Variants in ADGRB1 observed in about 807,000 individuals in gnomAD.
The protein encoded by ADGRB1 is brain-specific angiogenesis inhibitor 1.
A neutral mutation model predicts 175.7 loss-of-function variants in ADGRB1; 36 were observed. The ratio of observed to expected loss-of-function variants is 0.20; its 90% CI spans 0.16 to 0.27. ADGRB1 has a LOEUF of 0.27. Ranked by LOEUF, ADGRB1 falls within the 10% of genes least tolerant of loss-of-function variation. The pLI is 1.00. For missense variants in ADGRB1, 1,731 were observed against 2,255.3 expected (o/e 0.77, Z 4.71); for synonymous variants, 1,054 against 979.4 (o/e 1.08, Z -1.42).
rs755785336 is a variant in ADGRB1, at chr8:142,539,416, G to A, written c.3706+3G>A. On this transcript the variant is annotated splice_donor_region_variant and intron_variant, in intron 27 of 30. Coordinates refer to ENST00000517894, the MANE Select transcript of ADGRB1 (RefSeq NM_001702.3). Reference sequence around the variant, plus strand: ...CGTGGATCTGGCCTGTAGATCAGGTGAGCGCCCGACAGGTGAGAGGACAGT... The same window carrying A: ...CGTGGATCTGGCCTGTAGATCAGGTAAGCGCCCGACAGGTGAGAGGACAGT... The A allele has an allele frequency of 3.8e-5, 61 of 1,600,728 alleles. No individual in the cohort carries two copies. Among genetic ancestry groups the A allele is most frequent in the Admixed American group, 1.7e-4 (10 of 58,280 alleles).
At chr8:142,539,541 G>A in intron 27 of ADGRB1, 128 bp downstream of exon 27, 1 of 1,184,710 alleles carries the variant, frequency 8.4e-7, no homozygotes, top group South Asian at 1.4e-5. Flanking sequence ...CCCACACCCA[G>A]CCACACCGTC....
Position 142,510,955 on chromosome 8 carries a change from A to G in ADGRB1, c.2699A>G (p.Gln900Arg). Residue 900 changes from glutamine (Q) to arginine (R), a missense_variant, in exon 18 of 31, where the codon CAG (glutamine) becomes CGG (arginine). Physicochemically the swap from Gln to Arg is conservative, Grantham distance 43. Around this residue, in one of 8 missense-constraint regions of ADGRB1, gnomAD observed 77 missense variants for 71.6 expected, o/e 1.08. Coordinates refer to ENST00000517894, the MANE Select transcript of ADGRB1 (RefSeq NM_001702.3). This position sits in a 1 kb window ranked among gnomAD's most constrained non-coding sequence, Gnocchi z 6.3. ...AGACCCTCCTCCTCCGCCCCCCCGC[A>G]GCTCGGGCCCTGGTCGTGGCGCGGC... ...TDVPSSSAPP[Q>R]LGPWSWRGCR... 2.6e-6 allele frequency: 3 copies of G among 1,150,958 alleles called. No individual in the cohort carries two copies. The highest frequency in any genetic ancestry group is 1.6e-5 in the South Asian group (1 of 62,428). The allele number at this position is 1,150,958 out of a possible 1,614,324, so 71.3% of individuals were successfully genotyped here.
chr8:142,518,046 G>C (rs966866807), intron 18 of ADGRB1, 92 bp from the exon 19 acceptor site: 1 of 1,247,394 alleles, frequency 8.0e-7, no homozygotes, highest in East Asian at 2.4e-5. Flanking sequence ...GGTGTGACCC[G>C]GGGCTGCGGG....
intron 2 of ADGRB1, among the ~76,000 whole-genome samples, chr8:142,467,517 TG>T (rs1230083569): frequency 6.6e-6 from 1 of 152,082 alleles, no homozygotes; most frequent in Non-Finnish European, 1.5e-5. Context: ...GAAGTGGGGC[TG>T]GGGGTTGCAG....
chr8:142,472,544 G>A (rs1038919787), intron 2 of ADGRB1, among the ~76,000 whole-genome samples: 5 of 152,184 alleles, frequency 3.3e-5, no homozygotes, highest in South Asian at 2.1e-4. Flanking sequence ...CCTGCACTGC[G>A]GACCCCAGGG....
Position 142,542,639 on chromosome 8 carries a change from T to C in ADGRB1, c.4405T>C (p.Ser1469Pro). ...GAATGTCGCCACCTTGTCTGTGAGC[T>C]CCCTGGAGGTGAGGGGGGCAGGGGT... The part of the protein sequence containing the change: ...NENVATLSVS[S>P]LERRKSRYAE... The change falls in exon 28 of 31, where the codon TCC (serine) becomes CCC (proline). Residue 1469 changes from serine to proline, a missense_variant. Ser to Pro is a moderately conservative substitution (Grantham distance 74). Coordinates refer to ENST00000517894, the MANE Select transcript of ADGRB1 (RefSeq NM_001702.3). The surrounding 1 kb of genome is among the most constrained non-coding windows in gnomAD (Gnocchi z 6.3). 1 of 1,547,656 alleles carries C rather than the reference T, an allele frequency of 6.5e-7. No individual in the cohort carries two copies. The highest frequency in any genetic ancestry group is 1.4e-5 in the African/African-American group (1 of 71,802).
At chr8:142,499,416 AAG>A (rs1842378819) in intron 17 of ADGRB1, among the ~76,000 whole-genome samples, 1 of 152,194 alleles carries the variant, frequency 6.6e-6, no homozygotes, top group Non-Finnish European at 1.5e-5. Flanking sequence ...AGCCGCTCAA[AAG>A]AGCGCCACCC....
chr8:142,474,869 G>C lies in ADGRB1; in HGVS notation c.785-605G>C, dbSNP rs1840864494. Reference sequence around the variant, plus strand: ...GGCCAGCTGGCCAGGTCCAGGGCAGGCTCCGTCAGGCTGTGCCCTGGGTTC... The same window carrying C: ...GGCCAGCTGGCCAGGTCCAGGGCAGCCTCCGTCAGGCTGTGCCCTGGGTTC... On this transcript the variant is annotated intron_variant, in intron 2 of 30. Coordinates refer to ENST00000517894, the MANE Select transcript of ADGRB1 (RefSeq NM_001702.3). The surrounding 1 kb of genome is among the most constrained non-coding windows in gnomAD (Gnocchi z 5.8). 6.6e-6 allele frequency among the ~76,000 whole-genome samples: 1 copy of C among 152,152 alleles called. No homozygotes were observed. The highest frequency in any genetic ancestry group is 2.4e-5 in the African/African-American group (1 of 41,428).
In ADGRB1 at chr8:142,511,814, G is replaced by T. The variant is rs755932905; in HGVS notation, c.2817+741G>T. 3.3e-5 allele frequency among the ~76,000 whole-genome samples: 5 copies of T among 152,248 alleles called. No homozygotes were observed. The highest frequency in any genetic ancestry group is 7.3e-5 in the Non-Finnish European group (5 of 68,036). ...GCCCTCTACTGGGGCCCAGGCCGAG[G>T]CCCAGGACAGCCCACAGAGCAGGAA... On this transcript the variant is annotated intron_variant, in intron 18 of 30. Coordinates refer to ENST00000517894, the MANE Select transcript of ADGRB1 (RefSeq NM_001702.3). This position sits in a 1 kb window ranked among gnomAD's most constrained non-coding sequence, Gnocchi z 4.5.
At chr8:142,524,202 C>T in intron 22 of ADGRB1, 36 bp from the exon 23 acceptor site, 2 of 1,584,690 alleles carry the variant, frequency 1.3e-6, no homozygotes, top group Admixed American at 1.7e-5. Context: ...CGCCCCTCTG[C>T]ACACGGGCGG....
Position 142,455,741 on chromosome 8 carries a change from G to A in ADGRB1, c.-220+5637G>A, listed in dbSNP as rs955427362. On this transcript the variant is annotated intron_variant, in intron 1 of 30. Transcript: ENST00000517894. This position sits in a 1 kb window ranked among gnomAD's most constrained non-coding sequence, Gnocchi z 4.9. The stretch of plus-strand genomic sequence containing the variant: ...TTGAAGTAAGAAACGCAGAGGAGCG[G>A]CCAGGAGGCTGAGAAGATGGTGCTG... Among the ~76,000 whole-genome samples the A allele has an allele frequency of 2.0e-5, 3 of 152,216 alleles. No individual in the cohort carries two copies. The highest frequency in any genetic ancestry group is 4.4e-5 in the Non-Finnish European group (3 of 68,032).
At chr8:142,463,231 G>A (rs1840066049) in intron 1 of ADGRB1, among the ~76,000 whole-genome samples, 1 of 152,172 alleles carries the variant, frequency 6.6e-6, no homozygotes, top group Admixed American at 6.5e-5. Flanking sequence ...AGGGCACGAG[G>A]GCACACGTGG....
chr8:142,487,002 A>T (rs1380115669), intron 13 of ADGRB1, among the ~76,000 whole-genome samples: 1 of 152,210 alleles, frequency 6.6e-6, no homozygotes, highest in Non-Finnish European at 1.5e-5. Context: ...CCTGAGCAAT[A>T]GGCTGTCTCT....
intron 3 of ADGRB1, 73 bp downstream of exon 3, chr8:142,475,708 G>T: frequency 1.8e-6 from 2 of 1,124,074 alleles, no homozygotes; most frequent in Non-Finnish European, 1.1e-6. Context: ...GAGGGGGGTG[G>T]GGCCCTGGAG....
At position 142,522,770 on chromosome 8, in the gene ADGRB1, G is replaced by A. The variant is rs143931986; in HGVS notation, c.3245+60G>A. 5.5e-3 allele frequency: 7,628 copies of A among 1,386,350 alleles called. 25 individuals carry two copies. The highest frequency in any genetic ancestry group is 6.4e-3 in the Non-Finnish European group (6,731 of 1,056,726). The allele number at this position is 1,386,350 out of a possible 1,614,324, so 85.9% of individuals were successfully genotyped here. ...ACATGGCCCCCCAGAGACTTCCACCGCCCTGGAGGGTGAGGGCTGGCCATG... is the reference window on the plus strand; with the variant it reads ...ACATGGCCCCCCAGAGACTTCCACCACCCTGGAGGGTGAGGGCTGGCCATG... On this transcript the variant is annotated intron_variant, in intron 22 of 30. Coordinates refer to ENST00000517894, the MANE Select transcript of ADGRB1 (RefSeq NM_001702.3).
intron 19 of ADGRB1, among the ~76,000 whole-genome samples, chr8:142,520,531 G>A (rs995493087): frequency 4.0e-5 from 5 of 125,430 alleles, no homozygotes; most frequent in Non-Finnish European, 5.1e-5. Flanking sequence ...GGTGATGGTG[G>A]TAGTGATTGT....
chr8:142,469,187 G>C (rs111982530), intron 2 of ADGRB1, among the ~76,000 whole-genome samples: 23 of 151,872 alleles, frequency 1.5e-4, no homozygotes, highest in African/African-American at 5.1e-4. Context: ...GTGTGAATGT[G>C]TGCACATGTG....
At chr8:142,484,786 C>A in intron 13 of ADGRB1, 22 bp downstream of exon 13, 1 of 1,540,594 alleles carries the variant, frequency 6.5e-7, no homozygotes, top group South Asian at 1.2e-5. Flanking sequence ...CGCCTGCTGC[C>A]ACCCCCCATG....
At chr8:142,520,256 ATGATGG>A (rs1367166771) in intron 19 of ADGRB1, among the ~76,000 whole-genome samples, 22 of 83,094 alleles carry the variant, frequency 2.6e-4, no homozygotes, top group South Asian at 8.4e-4. Context: ...GGTGGTGGTG[ATGATGG>A]TGATGGTGAT....
Sources: allele counts gnomAD v4.1 joint callset (sites outside exome capture counted in the v4.1 genomes callset), GRCh38; gene constraint gnomAD v4.1.1; regional missense constraint gnomAD v4.1.1; non-coding constraint Gnocchi (gnomAD v3.1); transcripts MANE v1.5; gene names NCBI Gene and HGNC (gene_info 2026-07-23, HGNC 2026-07-21).